The following PLOD2 variants were observed in gnomAD, a reference collection of about 807,000 sequenced individuals.
PLOD2 encodes lysine hydroxylase 2.
A neutral mutation model predicts 101.0 loss-of-function variants in PLOD2; 65 were observed. The ratio of observed to expected loss-of-function variants is 0.64; its 90% CI spans 0.53 to 0.79. The LOEUF (loss-of-function observed/expected upper bound fraction) is 0.79. Among genes scored for constraint, PLOD2 ranks in the 30% least tolerant of loss-of-function variants. The pLI, the probability that PLOD2 is intolerant of heterozygous loss-of-function variation, is 0.00. For synonymous variants in PLOD2, 314 were observed against 302.9 expected (o/e 1.04, Z -0.38); for missense variants, 909 against 914.6 (o/e 0.99, Z 0.08).
At chr3:146,090,953 A>T (rs141418007) in intron 8 of PLOD2, among the ~76,000 whole-genome samples, 1 of 151,968 alleles carries the variant, frequency 6.6e-6, no homozygotes, top group East Asian at 1.9e-4. Context: ...AATGCTTCAT[A>T]CATATAATCT....
At chr3:146,108,950 A>G (rs1937581142) in intron 4 of PLOD2, among the ~76,000 whole-genome samples, 1 of 152,236 alleles carries the variant, frequency 6.6e-6, no homozygotes, top group Admixed American at 6.5e-5. Flanking sequence ...TTGCAAGATT[A>G]GCCATATATT....
chr3:146,092,955 T>C (rs1390240179), intron 7 of PLOD2, among the ~76,000 whole-genome samples: 4 of 152,138 alleles, frequency 2.6e-5, no homozygotes, highest in African/African-American at 9.7e-5. Context: ...TAAAAGCACC[T>C]AAAATCCCTA....
At chr3:146,133,101 A>G (rs888067248) in intron 1 of PLOD2, among the ~76,000 whole-genome samples, 3 of 152,090 alleles carry the variant, frequency 2.0e-5, no homozygotes, top group African/African-American at 4.8e-5. Context: ...GCGTGAACCC[A>G]GGAGGCGGAG....
In PLOD2 at chr3:146,088,498, A is replaced by G. The variant is rs187728894; in HGVS notation, c.1005+88T>C. On this transcript the variant is annotated intron_variant, in intron 9 of 19. Transcript: ENST00000282903. ...AAAATCCTCCACTGAACTTAACCCAATGAATTTTATTTGACATAAATAACA... is the reference window on the plus strand; with the variant it reads ...AAAATCCTCCACTGAACTTAACCCAGTGAATTTTATTTGACATAAATAACA... The G allele has an allele frequency of 2.3e-3, 2,157 of 951,078 alleles. 14 individuals are homozygous for G. Among genetic ancestry groups the G allele is most frequent in the Non-Finnish European group, 1.3e-3 (809 of 611,624 alleles). The allele number at this position is 951,078 out of a possible 1,614,324, so 58.9% of individuals were successfully genotyped here. A position where few individuals can be genotyped will look rare whatever the true frequency, so the allele number is the denominator to read the frequency against.
intron 1 of PLOD2, among the ~76,000 whole-genome samples, chr3:146,157,243 C>A (rs1036766767): frequency 2.6e-5 from 4 of 152,150 alleles, no homozygotes; most frequent in African/African-American, 9.7e-5. Flanking sequence ...TGTGGCAAAA[C>A]AACAGTGTAG....
intron 9 of PLOD2, 56 bp downstream of exon 9, chr3:146,088,530 T>A (rs952186636): frequency 1.8e-5 from 23 of 1,247,106 alleles, no homozygotes; most frequent in Non-Finnish European, 2.5e-5. Flanking sequence ...AACAAATAGT[T>A]CCAAAAAAGA....
chr3:146,092,905 A>C (rs1264352054), intron 7 of PLOD2, among the ~76,000 whole-genome samples: 1 of 152,116 alleles, frequency 6.6e-6, no homozygotes, highest in Non-Finnish European at 1.5e-5. Flanking sequence ...AGGCTTTTTA[A>C]ATTTTCTTTC....
Position 146,079,152 on chromosome 3 carries a change from A to G in PLOD2, c.1464T>C (p.Asp488=). The change falls in exon 13 of 20, where the codon GAT becomes GAC. Residue 488 remains aspartate (D), a synonymous_variant. Coordinates refer to ENST00000282903, the MANE Select transcript of PLOD2 (RefSeq NM_182943.3). ...CATTTCGGCAAAGAGCCATATCAGG[A>G]TCCAGTTTATCACGAACAAAATAGT... ...ERNYFVRDKL[D]PDMALCRNAR... is the part of the protein sequence containing the mutation. The G allele has an allele frequency of 1.9e-6, 3 of 1,612,908 alleles. No individual in the cohort carries two copies. Among genetic ancestry groups the G allele is most frequent in the Non-Finnish European group, 2.5e-6 (3 of 1,179,042 alleles).
chr3:146,141,373 C>T (rs985906348), intron 1 of PLOD2, among the ~76,000 whole-genome samples: 1 of 151,988 alleles, frequency 6.6e-6, no homozygotes, highest in African/African-American at 2.4e-5. Context: ...AGGAAGTTCT[C>T]GTTTTTATTG....
chr3:146,155,920 T>C (rs192358021), intron 1 of PLOD2, among the ~76,000 whole-genome samples: 2 of 152,266 alleles, frequency 1.3e-5, no homozygotes, highest in East Asian at 3.9e-4. Flanking sequence ...AACGTGCTAA[T>C]TATTTCCTCC....
intron 1 of PLOD2, among the ~76,000 whole-genome samples, chr3:146,146,908 C>A (rs369297078): frequency 3.3e-5 from 5 of 152,112 alleles, no homozygotes; most frequent in Non-Finnish European, 7.4e-5. Context: ...TTGAATAGAA[C>A]CCTGACCAAC....
chr3:146,086,422 A>C (rs538204054), intron 10 of PLOD2: 4 of 159,542 alleles, frequency 2.5e-5, no homozygotes, highest in East Asian at 3.7e-4. Flanking sequence ...TGTTTCCCCC[A>C]CAGTCTAAAT....
chr3:146,106,401 A>G, intron 5 of PLOD2, 131 bp downstream of exon 5: 2 of 687,404 alleles, frequency 2.9e-6, no homozygotes, highest in Non-Finnish European at 5.3e-6. Context: ...TATGTTTTCA[A>G]CATTTTGAAA....
chr3:146,072,598 A>G lies in PLOD2; in HGVS notation c.1811T>C (p.Met604Thr), dbSNP rs1299721992. 6.2e-7 allele frequency: 1 copy of G among 1,610,494 alleles called. No homozygotes were observed. Among genetic ancestry groups the G allele is most frequent in the South Asian group, 1.1e-5 (1 of 91,022 alleles). The change falls in exon 17 of 20, where the codon ATG (methionine) becomes ACG (threonine). Residue 604 changes from methionine (M) to threonine (T), a missense_variant. By Grantham distance (81) the Met-to-Thr change is moderately conservative. Coordinates refer to ENST00000282903, the MANE Select transcript of PLOD2 (RefSeq NM_182943.3). Reference sequence around the variant, plus strand: ...CCCAGACCATTTGCCGTAATGTTCCATTTCTTCTACCAATTCATCACAGGC... The same window carrying G: ...CCCAGACCATTTGCCGTAATGTTCCGTTTCTTCTACCAATTCATCACAGGC... ...EKACDELVEE[M>T]EHYGKWSGGK...
intron 15 of PLOD2, among the ~76,000 whole-genome samples, chr3:146,073,812 A>G (rs1164593741): frequency 6.6e-6 from 1 of 151,586 alleles, no homozygotes; most frequent in Non-Finnish European, 1.5e-5. Flanking sequence ...CTTAAAGGTA[A>G]AAGACAAGGA....
At position 146,160,965 on chromosome 3, in the gene PLOD2, G is replaced by A; in HGVS notation, c.25C>T (p.Gln9Ter). ...AGGACGAGCGCCAGGAGCAGCAGCTGAGGCTTCACCGTGCATCCCCCCATA... is the reference window on the plus strand; with the variant it reads ...AGGACGAGCGCCAGGAGCAGCAGCTAAGGCTTCACCGTGCATCCCCCCATA... MGGCTVKP[Q>*]LLLLALVLHP... The change falls in exon 1 of 20, where the codon CAG becomes TAG. Residue 9 changes from glutamine to a stop codon, truncating the protein, a stop_gained. Coordinates refer to ENST00000282903, the MANE Select transcript of PLOD2 (RefSeq NM_182943.3). LOFTEE classifies it high-confidence loss of function. The A allele has an allele frequency of 6.3e-7, 1 of 1,595,600 alleles. No individual in the cohort carries two copies. Among genetic ancestry groups the A allele is most frequent in the East Asian group, 2.3e-5 (1 of 44,094 alleles).
chr3:146,098,690 A>G (rs1432143989), intron 7 of PLOD2, among the ~76,000 whole-genome samples: 1 of 152,160 alleles, frequency 6.6e-6, no homozygotes, highest in African/African-American at 2.4e-5. Context: ...AGTATCATCA[A>G]CATACTATAA....
rs922306729 is a variant in PLOD2, at chr3:146,161,068, CG to C, written c.-80del. ...CGCTTCTCGCGAGAACGCAGAGACC[CG>C]GGTCCGCCCTGAGCCGCCGATTGCG... On this transcript the variant is annotated 5_prime_UTR_variant, in exon 1 of 20. Transcript: ENST00000282903. 62 of 1,061,698 alleles carry C rather than the reference CG, an allele frequency of 5.8e-5. No individual in the cohort carries two copies. The African/African-American group carries it at 8.0e-4, about 14-fold the overall frequency. The allele number at this position is 1,061,698 out of a possible 1,614,324, so 65.8% of individuals were successfully genotyped here. A position where few individuals can be genotyped will look rare whatever the true frequency, so the allele number is the denominator to read the frequency against.
chr3:146,079,812 A>C (rs1297291316), intron 12 of PLOD2, among the ~76,000 whole-genome samples: 1 of 152,024 alleles, frequency 6.6e-6, no homozygotes, highest in Non-Finnish European at 1.5e-5. Context: ...CACATTTACC[A>C]AAATACCACT....
Sources: allele counts gnomAD v4.1 joint callset (sites outside exome capture counted in the v4.1 genomes callset), GRCh38; gene constraint gnomAD v4.1.1; transcripts MANE v1.5; gene names NCBI Gene and HGNC (gene_info 2026-07-23, HGNC 2026-07-21).